Variants in ADAMTSL1 observed in about 807,000 individuals in gnomAD.
ADAMTSL1 encodes ADAMTS like 1.
A neutral mutation model predicts 201.8 loss-of-function variants in ADAMTSL1; 126 were observed. That is an observed-to-expected ratio of 0.62 (90% CI 0.54 to 0.72). The LOEUF (loss-of-function observed/expected upper bound fraction) is 0.72. Ranked by LOEUF, ADAMTSL1 falls within the 30% of genes least tolerant of loss-of-function variation. ADAMTSL1 has a pLI of 0.00. For missense variants in ADAMTSL1, 2,679 were observed against 2,277.8 expected (o/e 1.18, Z -3.59); for synonymous variants, 1,121 against 903.4 (o/e 1.24, Z -4.32).
chr9:18,900,498 C>T (rs7873965), intron 26 of ADAMTSL1, among the ~76,000 whole-genome samples: 107,810 of 152,044 alleles, frequency 0.71, 38,906 homozygotes, highest in African/African-American at 0.86. Context: ...TGCAGCACTA[C>T]TCACAATAGC....
chr9:18,399,797 C>A (rs576153989), intron 2 of ADAMTSL1, among the ~76,000 whole-genome samples: 1 of 152,090 alleles, frequency 6.6e-6, no homozygotes, highest in Non-Finnish European at 1.5e-5. Flanking sequence ...TGTTCCAAGA[C>A]AAAAACCAGG....
intron 2 of ADAMTSL1, among the ~76,000 whole-genome samples, chr9:18,386,164 A>G (rs1190326045): frequency 5.9e-5 from 9 of 152,162 alleles, no homozygotes; most frequent in Non-Finnish European, 4.4e-5. Flanking sequence ...ACTGTCTAAG[A>G]GTTGCTTGAT....
chr9:18,250,761 T>C (rs1459949117), intron 2 of ADAMTSL1, among the ~76,000 whole-genome samples: 1 of 152,074 alleles, frequency 6.6e-6, no homozygotes. Flanking sequence ...GTGGCGGTTT[T>C]CCACACCCCG....
intron 2 of ADAMTSL1, among the ~76,000 whole-genome samples, chr9:18,282,892 C>T (rs759533449): frequency 5.9e-5 from 9 of 152,066 alleles, no homozygotes; most frequent in Middle Eastern, 3.2e-3. Context: ...AGTGAAACTC[C>T]GTCTCAAAAA....
chr9:18,499,067 C>T (rs376514937), intron 1 of ADAMTSL1, among the ~76,000 whole-genome samples: 1 of 152,218 alleles, frequency 6.6e-6, no homozygotes, highest in Non-Finnish European at 1.5e-5. Flanking sequence ...GCTTTTACAC[C>T]CTGTTACAGA....
At position 18,905,910 on chromosome 9, in the gene ADAMTSL1, T is replaced by A. The variant is rs1451740976; in HGVS notation, c.4961+19T>A. 1.9e-6 allele frequency: 3 copies of A among 1,578,684 alleles called. No individual in the cohort carries two copies. The highest frequency in any genetic ancestry group is 1.8e-5 in the Admixed American group (1 of 56,968). ...TTCCGAGGTAAGAGAAAGCCCTGAA[T>A]CTCCTTTTCCCAGCCCCATGTCAAC... On this transcript the variant is annotated intron_variant, in intron 27 of 28. Transcript: ENST00000380548.
intron 1 of ADAMTSL1, among the ~76,000 whole-genome samples, chr9:18,109,059 A>G (rs1048901899): frequency 6.6e-6 from 1 of 152,228 alleles, no homozygotes; most frequent in Admixed American, 6.5e-5. Flanking sequence ...TACTTCAGAT[A>G]CAGTATCATA....
At chr9:18,471,627 T>C (rs955608432), upstream of ADAMTSL1, among the ~76,000 whole-genome samples, 12 of 152,260 alleles carry the variant, frequency 7.9e-5, no homozygotes, top group African/African-American at 2.7e-4. Context: ...TCACCTGTAC[T>C]GTGTAGCTCT....
At chr9:18,587,153 T>C (rs892399208) in intron 4 of ADAMTSL1, among the ~76,000 whole-genome samples, 1 of 151,744 alleles carries the variant, frequency 6.6e-6, no homozygotes, top group Non-Finnish European at 1.5e-5. Flanking sequence ...ATCAACAGAG[T>C]AAACAGATAA....
At chr9:18,233,056 G>T (rs1362189366) in intron 2 of ADAMTSL1, among the ~76,000 whole-genome samples, 2 of 152,130 alleles carry the variant, frequency 1.3e-5, no homozygotes, top group Admixed American at 6.5e-5. Flanking sequence ...ACTCTGCGAG[G>T]TTCCTCAAGC....
chr9:18,623,587 AT>A (rs763249466), intron 5 of ADAMTSL1, among the ~76,000 whole-genome samples: 2 of 152,184 alleles, frequency 1.3e-5, no homozygotes, highest in African/African-American at 2.4e-5. Context: ...TCCTGCTAGG[AT>A]AGATGGTACA....
intron 20 of ADAMTSL1, among the ~76,000 whole-genome samples, chr9:18,799,062 A>G (rs1345443995): frequency 6.6e-6 from 1 of 151,654 alleles, no homozygotes; most frequent in Non-Finnish European, 1.5e-5. Flanking sequence ...TTCCCTCCCT[A>G]CCTCCCTGGA....
chr9:18,641,859 A>C (rs1006042839), intron 7 of ADAMTSL1, among the ~76,000 whole-genome samples: 1 of 151,940 alleles, frequency 6.6e-6, no homozygotes, highest in East Asian at 1.9e-4. Flanking sequence ...TTAAGCTTTC[A>C]GTAGCATTCA....
At chr9:18,581,545 C>A (rs1012514435) in intron 4 of ADAMTSL1, among the ~76,000 whole-genome samples, 1 of 152,144 alleles carries the variant, frequency 6.6e-6, no homozygotes. Context: ...ATTATCAACT[C>A]AGAAAGTTCC....
At chr9:18,433,963 G>C (rs1161650083) in intron 2 of ADAMTSL1, among the ~76,000 whole-genome samples, 1 of 152,170 alleles carries the variant, frequency 6.6e-6, no homozygotes, top group Non-Finnish European at 1.5e-5. Context: ...AATCCAAAGA[G>C]CTGTTAGAAA....
intron 26 of ADAMTSL1, among the ~76,000 whole-genome samples, chr9:18,902,997 G>C (rs1310127202): frequency 6.6e-6 from 1 of 152,154 alleles, no homozygotes; most frequent in African/African-American, 2.4e-5. Context: ...TTGAGGTCAG[G>C]AGTTCAAGAC....
chr9:18,272,284 G>C (rs905830023), intron 2 of ADAMTSL1, among the ~76,000 whole-genome samples: 6 of 152,212 alleles, frequency 3.9e-5, no homozygotes, highest in African/African-American at 1.4e-4. Flanking sequence ...ACAGAACAGA[G>C]CCCTCAGAAA....
At chr9:18,225,963 T>C (rs1406288774) in intron 2 of ADAMTSL1, among the ~76,000 whole-genome samples, 2 of 152,098 alleles carry the variant, frequency 1.3e-5, no homozygotes, top group Admixed American at 1.3e-4. Flanking sequence ...CCAAGCCTGG[T>C]AGGTGGGTGC....
chr9:18,776,466 A>C (rs1298797305), intron 18 of ADAMTSL1, among the ~76,000 whole-genome samples: 2 of 152,146 alleles, frequency 1.3e-5, no homozygotes, highest in Non-Finnish European at 2.9e-5. Context: ...TCTGCATCTC[A>C]GCTTCTAGGA....
Sources: gnomAD v4.1 joint callset for allele counts (sites outside exome capture counted in the v4.1 genomes callset) on GRCh38, gnomAD v4.1.1 for gene constraint, MANE v1.5 for transcripts, NCBI Gene and HGNC (gene_info 2026-07-23, HGNC 2026-07-21) for gene names.